Variants in ITGB3BP observed in about 807,000 individuals in gnomAD.
The protein encoded by ITGB3BP is integrin subunit beta 3 binding protein.
In ITGB3BP, 27 loss-of-function variants were observed where a neutral mutation model predicts 29.1. The observed-to-expected ratio is 0.93, with a 90% CI of 0.68 to 1.28. The LOEUF is 1.28. Ranked by LOEUF, ITGB3BP falls within the 50% of genes most tolerant of loss-of-function variation. ITGB3BP has a pLI of 0.00. For missense variants in ITGB3BP, 192 were observed against 200.2 expected (o/e 0.96, Z 0.25); for synonymous variants, 61 against 61.4 (o/e 0.99, Z 0.03).
At chr1:63,473,324 A>G (rs1570186388) in intron 4 of ITGB3BP, among the ~76,000 whole-genome samples, 3 of 146,446 alleles carry the variant, frequency 2.0e-5, no homozygotes, top group Non-Finnish European at 3.0e-5. Flanking sequence ...CCCGGCAGCC[A>G]CCCCGTCCGG....
chr1:63,502,512 T>TC (rs1645957940), intron 2 of ITGB3BP, among the ~76,000 whole-genome samples: 1 of 31,502 alleles, frequency 3.2e-5, no homozygotes, highest in South Asian at 2.7e-3. Flanking sequence ...AAAAGGCACT[T>TC]CTTTTTTTTT....
chr1:63,455,525 G>A (rs1384611240), intron 4 of ITGB3BP, among the ~76,000 whole-genome samples: 3 of 151,922 alleles, frequency 2.0e-5, no homozygotes, highest in Admixed American at 1.3e-4. Context: ...GCTCACTGCA[G>A]CCTCAACCTC....
Position 63,523,118 on chromosome 1 carries a change from G to A in ITGB3BP, c.5+11C>T. The stretch of plus-strand genomic sequence containing the variant: ...CCCCAAAACAGCAATACCTGGGGAG[G>A]AGATACCTACGGCATTCTGAGATTC... On this transcript the variant is annotated intron_variant, in intron 1 of 8. Transcript: ENST00000271002. The A allele has an allele frequency of 1.9e-6, 3 of 1,614,118 alleles. No individual in the cohort carries two copies. The highest frequency in any genetic ancestry group is 2.5e-6 in the Non-Finnish European group (3 of 1,179,968).
chr1:63,525,795 T>G, upstream of ITGB3BP: 1 of 1,401,994 alleles, frequency 7.1e-7, no homozygotes, highest in Non-Finnish European at 9.6e-7. Context: ...TTCACCTTTT[T>G]GTTGAAAGTT....
chr1:63,501,069 C>A (rs895536904), intron 2 of ITGB3BP, among the ~76,000 whole-genome samples: 1 of 152,240 alleles, frequency 6.6e-6, no homozygotes, highest in East Asian at 1.9e-4. Context: ...AAAAAATAGT[C>A]GTTTCAGCAA....
chr1:63,474,851 C>T (rs1288777567), intron 4 of ITGB3BP, among the ~76,000 whole-genome samples: 1 of 150,534 alleles, frequency 6.6e-6, no homozygotes, highest in Non-Finnish European at 1.5e-5. Flanking sequence ...ATGACCCTGC[C>T]AAATCCCCCT....
intron 8 of ITGB3BP, among the ~76,000 whole-genome samples, chr1:63,443,603 C>T (rs1047248415): frequency 2.0e-5 from 3 of 152,072 alleles, no homozygotes; most frequent in African/African-American, 4.8e-5. Flanking sequence ...CTAAAGCATA[C>T]ATTTGTCCAG....
At chr1:63,445,977 C>T (rs948561442) in intron 8 of ITGB3BP, among the ~76,000 whole-genome samples, 3 of 152,022 alleles carry the variant, frequency 2.0e-5, no homozygotes, top group Non-Finnish European at 4.4e-5. Flanking sequence ...GATCTCAGCT[C>T]ACTGCAACCT....
intron 4 of ITGB3BP, among the ~76,000 whole-genome samples, chr1:63,477,619 C>T (rs1645363687): frequency 6.6e-6 from 1 of 151,486 alleles, no homozygotes; most frequent in South Asian, 2.1e-4. Flanking sequence ...ACACAGGAGG[C>T]TGAGGTGGGA....
chr1:63,509,455 T>C (rs1646150460), intron 1 of ITGB3BP, among the ~76,000 whole-genome samples: 1 of 152,178 alleles, frequency 6.6e-6, no homozygotes, highest in Admixed American at 6.5e-5. Context: ...AATTAGAGCA[T>C]AAAGCAAAAA....
At chr1:63,501,983 T>A (rs1434732569) in intron 2 of ITGB3BP, among the ~76,000 whole-genome samples, 1 of 152,186 alleles carries the variant, frequency 6.6e-6, no homozygotes, top group Non-Finnish European at 1.5e-5. Flanking sequence ...AGGAAGCCTA[T>A]TGAGCTGGCC....
At chr1:63,480,716 C>G (rs1307843311) in intron 3 of ITGB3BP, among the ~76,000 whole-genome samples, 1 of 152,132 alleles carries the variant, frequency 6.6e-6, no homozygotes, top group South Asian at 2.1e-4. Context: ...AAAAAACTTA[C>G]AGAAATTTTG....
intron 8 of ITGB3BP, among the ~76,000 whole-genome samples, chr1:63,445,953 G>T (rs952534878): frequency 6.6e-6 from 1 of 151,978 alleles, no homozygotes; most frequent in Non-Finnish European, 1.5e-5. Context: ...GCCCAGGCTG[G>T]AGTGCAGTGG....
intron 2 of ITGB3BP, 138 bp downstream of exon 2, chr1:63,508,390 G>A (rs567281402): frequency 2.9e-4 from 143 of 494,074 alleles, no homozygotes; most frequent in African/African-American, 2.6e-3. Flanking sequence ...GCAGAAAATG[G>A]TGTACCAATC....
intron 8 of ITGB3BP, among the ~76,000 whole-genome samples, chr1:63,445,211 A>C (rs529478255): frequency 2.7e-3 from 410 of 152,194 alleles, no homozygotes; most frequent in African/African-American, 9.6e-3. Context: ...ACTTGAATAC[A>C]GGAGGTGGAG....
upstream of ITGB3BP, among the ~76,000 whole-genome samples, chr1:63,526,649 T>C (rs1202546327): frequency 1.3e-5 from 2 of 152,236 alleles, no homozygotes; most frequent in East Asian, 3.8e-4. Context: ...ATGACTGACT[T>C]TTAAAGTCAT....
At chr1:63,466,045 C>CT (rs1310195075) in intron 4 of ITGB3BP, among the ~76,000 whole-genome samples, 1 of 152,098 alleles carries the variant, frequency 6.6e-6, no homozygotes, top group Non-Finnish European at 1.5e-5. Flanking sequence ...TAGCCAACTA[C>CT]TTTTTCCTCA....
chr1:63,513,994 A>G (rs1646256677), intron 1 of ITGB3BP, among the ~76,000 whole-genome samples: 1 of 152,220 alleles, frequency 6.6e-6, no homozygotes, highest in Admixed American at 6.5e-5. Flanking sequence ...ATATCAAGAT[A>G]TGGAATATTT....
At chr1:63,458,031 C>A (rs1644960428) in intron 4 of ITGB3BP, 1 of 152,078 alleles carries the variant, frequency 6.6e-6, no homozygotes, top group Non-Finnish European at 1.5e-5. Context: ...TTCCAATTTG[C>A]TTAGAAGAGT....
Sources: gnomAD v4.1 joint callset for allele counts (sites outside exome capture counted in the v4.1 genomes callset) on GRCh38, gnomAD v4.1.1 for gene constraint, MANE v1.5 for transcripts, NCBI Gene and HGNC (gene_info 2026-07-23, HGNC 2026-07-21) for gene names.